SV2C: variants seen among roughly 807,000 people sequenced by gnomAD.
The protein encoded by SV2C is solute carrier family 22 member B3.
Under a neutral mutation model 79.7 loss-of-function variants are expected in SV2C, and 49 were observed. That is an observed-to-expected ratio of 0.61 (90% CI 0.49 to 0.78). SV2C has a LOEUF of 0.78. SV2C is among the 30% of genes least tolerant of loss of function. SV2C has a pLI of 0.00. For missense variants in SV2C, 833 were observed against 912.9 expected, an observed-to-expected ratio of 0.91 and a Z score of 1.13; for synonymous variants, 334 against 333.2, an observed-to-expected ratio of 1.00 and a Z score of -0.03.
At chr5:76,203,888 G>A (rs1489624901) in intron 3 of SV2C, among the ~76,000 whole-genome samples, 2 of 152,144 alleles carry the variant, frequency 1.3e-5, no homozygotes, top group Non-Finnish European at 2.9e-5. Flanking sequence ...ATTGCCACTG[G>A]GCAAAGGAAA....
chr5:75,857,437 C>T, the SV2C span, among the ~76,000 whole-genome samples: 3 of 151,984 alleles, frequency 2.0e-5, no homozygotes, highest in African/African-American at 4.8e-5. Context: ...GGTTTTATTT[C>T]TGGGTTCTCC....
At chr5:76,318,866 G>A (rs970816212) in intron 12 of SV2C, among the ~76,000 whole-genome samples, 1 of 152,140 alleles carries the variant, frequency 6.6e-6, no homozygotes, top group African/African-American at 2.4e-5. Context: ...GAAAAATAAT[G>A]CATTAACTCA....
chr5:76,238,412 G>A (rs370067199), intron 4 of SV2C, among the ~76,000 whole-genome samples: 24 of 152,164 alleles, frequency 1.6e-4, no homozygotes, highest in Non-Finnish European at 3.2e-4. Context: ...TTGACTATGA[G>A]GTTTTGGGAT....
At chr5:76,188,728 C>G (rs1036829204) in intron 2 of SV2C, among the ~76,000 whole-genome samples, 1 of 150,248 alleles carries the variant, frequency 6.7e-6, no homozygotes, top group African/African-American at 2.5e-5. Flanking sequence ...AATTTGTAAC[C>G]AGTAATGACA....
At chr5:76,217,816 A>C (rs1052739173) in intron 4 of SV2C, among the ~76,000 whole-genome samples, 2 of 152,150 alleles carry the variant, frequency 1.3e-5, no homozygotes, top group African/African-American at 2.4e-5. Flanking sequence ...ATACTGTAAA[A>C]TCTTGATGAC....
intron 4 of SV2C, 88 bp downstream of exon 4, chr5:76,209,975 C>T: frequency 1.4e-6 from 2 of 1,442,686 alleles, no homozygotes; most frequent in African/African-American, 1.4e-5. Context: ...CTAAGGGCCA[C>T]TTTGAGAAAA....
intron 9 of SV2C, among the ~76,000 whole-genome samples, chr5:76,296,466 T>A (rs1452187134): frequency 6.6e-6 from 1 of 152,158 alleles, no homozygotes; most frequent in Admixed American, 6.5e-5. Flanking sequence ...GTAAAGGGCT[T>A]TGAAAGACGG....
chr5:76,337,282 ATC>A (rs1749347626), downstream of SV2C, among the ~76,000 whole-genome samples: 1 of 151,910 alleles, frequency 6.6e-6, no homozygotes, highest in Non-Finnish European at 1.5e-5. Flanking sequence ...CTCTTTACAT[ATC>A]TGTGTCCTAA....
chr5:76,353,841 C>T (rs1169775422), exon 13 of SV2C: 2 of 152,216 alleles, frequency 1.3e-5, no homozygotes, highest in Non-Finnish European at 2.9e-5. Flanking sequence ...TAGCCCTCAT[C>T]ATCACCTGAC....
At chr5:75,927,630 G>A in the SV2C span, among the ~76,000 whole-genome samples, 1 of 152,132 alleles carries the variant, frequency 6.6e-6, no homozygotes, top group South Asian at 2.1e-4. Context: ...AAATGGAAGA[G>A]GATAATCTCA....
Position 76,253,300 on chromosome 5 carries a change from T to C in SV2C, c.914-31862T>C, listed in dbSNP as rs146781423. Among the ~76,000 whole-genome samples the C allele has an allele frequency of 1.1e-4, 17 of 152,282 alleles. 1 individual carries two copies. The highest frequency in any genetic ancestry group is 3.6e-4 in the African/African-American group (15 of 41,556). On this transcript the variant is annotated intron_variant, in intron 4 of 12. Transcript: ENST00000502798. The stretch of plus-strand genomic sequence containing the variant: ...TTGTTTTTTTATGTTTTTTGCTTTT[T>C]GGTTTTTTTGAGACGAGATCTCACT...
chr5:76,118,102 G>T (rs1580279184), intron 1 of SV2C, among the ~76,000 whole-genome samples: 1 of 152,198 alleles, frequency 6.6e-6, no homozygotes, highest in South Asian at 2.1e-4. Context: ...TTCTCTGTCA[G>T]TTCTGGAGGC....
intron 4 of SV2C, among the ~76,000 whole-genome samples, chr5:76,219,899 A>T (rs558169318): frequency 1.3e-5 from 2 of 152,336 alleles, no homozygotes; most frequent in East Asian, 3.9e-4. Context: ...GATGTCAGGC[A>T]TTTACTGAGA....
intron 4 of SV2C, chr5:76,281,054 C>T: frequency 1.8e-6 from 1 of 541,404 alleles, no homozygotes; most frequent in Middle Eastern, 3.2e-4. Context: ...CGGCCCCTGG[C>T]CAGGTTAAGT....
intron 6 of SV2C, among the ~76,000 whole-genome samples, chr5:76,288,808 T>A (rs982617409): frequency 3.3e-5 from 5 of 152,166 alleles, no homozygotes; most frequent in Admixed American, 1.3e-4. Context: ...CATAACAAAT[T>A]TATCTTTTTA....
chr5:76,098,842 T>C (rs1415531937), intron 1 of SV2C, among the ~76,000 whole-genome samples: 2 of 152,196 alleles, frequency 1.3e-5, no homozygotes, highest in African/African-American at 4.8e-5. Context: ...TTATTTAATA[T>C]CAGGAGAATG....
chr5:75,935,361 T>G, the SV2C span, among the ~76,000 whole-genome samples: 2 of 151,832 alleles, frequency 1.3e-5, no homozygotes, highest in Non-Finnish European at 2.9e-5. Flanking sequence ...GTAGGAGGGT[T>G]AATAAGTACC....
At chr5:75,875,234 C>G in the SV2C span, among the ~76,000 whole-genome samples, 1 of 152,046 alleles carries the variant, frequency 6.6e-6, no homozygotes, top group African/African-American at 2.4e-5. Context: ...AAAAAAGGCA[C>G]ATAGACCAAT....
chr5:76,232,551 C>T (rs1283712110), intron 4 of SV2C, among the ~76,000 whole-genome samples: 2 of 151,054 alleles, frequency 1.3e-5, no homozygotes, highest in African/African-American at 4.9e-5. Flanking sequence ...AGGTTTTCTT[C>T]TAGGGTTTTT....
Sources: gnomAD v4.1 joint callset for allele counts (sites outside exome capture counted in the v4.1 genomes callset) on GRCh38, gnomAD v4.1.1 for gene constraint, MANE v1.5 for transcripts, NCBI Gene and HGNC (gene_info 2026-07-23, HGNC 2026-07-21) for gene names.